GRIK4: variants seen among roughly 807,000 people sequenced by gnomAD.
GRIK4 encodes the protein glutamate ionotropic receptor kainate type subunit 4, also known as glutamate receptor ionotropic, kainate 4.
In GRIK4, 40 loss-of-function variants were observed where a neutral mutation model predicts 104.9. The ratio of observed to expected loss-of-function variants is 0.38; its 90% CI spans 0.30 to 0.50. The LOEUF is 0.50. Ranked by LOEUF, GRIK4 falls within the 20% of genes least tolerant of loss-of-function variation. GRIK4 has a pLI of 0.93. For missense variants in GRIK4, 1,047 were observed against 1,308.1 expected (o/e 0.80, Z 3.08); for synonymous variants, 485 against 524.9 (o/e 0.92, Z 1.04).
chr11:120,749,193 C>A (rs993673393), intron 3 of GRIK4, among the ~76,000 whole-genome samples: 1 of 152,038 alleles, frequency 6.6e-6, no homozygotes, highest in African/African-American at 2.4e-5. Context: ...ACATTCCCCC[C>A]ACCCCATCCC....
In GRIK4 at chr11:120,962,545, C is replaced by T. The variant is rs373177098; in HGVS notation, c.2130C>T (p.Ile710=). The part of the protein sequence containing the change: ...SVFVKSTEEG[I]ARVLNSNYAF... ...TCGTGAAGAGCACAGAGGAGGGAATCGCCAGGGTGTTGAATTCCAACTACG... is the reference window on the plus strand; with the variant it reads ...TCGTGAAGAGCACAGAGGAGGGAATTGCCAGGGTGTTGAATTCCAACTACG... Residue 710 remains isoleucine (I), a synonymous_variant, in exon 18 of 21, where the codon ATC becomes ATT. Coordinates refer to ENST00000527524, the MANE Select transcript of GRIK4 (RefSeq NM_014619.5). 4 of 1,613,898 alleles carry T rather than the reference C, an allele frequency of 2.5e-6. No individual in the cohort carries two copies. The highest frequency in any genetic ancestry group is 1.3e-5 in the African/African-American group (1 of 75,022).
chr11:120,678,296 C>G (rs187516802), intron 3 of GRIK4, among the ~76,000 whole-genome samples: 3 of 152,326 alleles, frequency 2.0e-5, no homozygotes, highest in Admixed American at 2.0e-4. Context: ...TAAAATGGAA[C>G]CACAGGGTTA....
At position 120,518,391 on chromosome 11, in the gene GRIK4, G is replaced by A. The variant is rs1056290057; in HGVS notation, c.-159+6504G>A. On this transcript the variant is annotated intron_variant, in intron 1 of 20. Coordinates refer to ENST00000527524, the MANE Select transcript of GRIK4 (RefSeq NM_014619.5). ...CCCAGTCCGGTTCCTAAGACTCTAC[G>A]GAATAGTGTCTCTAGCAAGGCTGGT... Among the ~76,000 whole-genome samples, 8 of 152,164 alleles carry A rather than the reference G, an allele frequency of 5.3e-5. No individual in the cohort carries two copies. The East Asian group carries it at 1.2e-3, about 22-fold the overall frequency.
intron 1 of GRIK4, among the ~76,000 whole-genome samples, chr11:120,530,919 G>A (rs1947917107): frequency 6.6e-6 from 1 of 152,166 alleles, no homozygotes. Context: ...TCATCGGCTG[G>A]AGAAAATGCC....
At chr11:120,915,053 T>G (rs1395879100) in intron 13 of GRIK4, among the ~76,000 whole-genome samples, 1 of 152,146 alleles carries the variant, frequency 6.6e-6, no homozygotes, top group Non-Finnish European at 1.5e-5. Flanking sequence ...AAGGTCGTCC[T>G]GCTTCTCAGG....
At chr11:120,848,458 C>T (rs1409456994) in intron 8 of GRIK4, among the ~76,000 whole-genome samples, 1 of 152,132 alleles carries the variant, frequency 6.6e-6, no homozygotes, top group East Asian at 1.9e-4. Context: ...TTCACCCATT[C>T]CTGTTGGGCT....
Position 120,742,050 on chromosome 11 carries a change from AAAAC to A in GRIK4, c.83-60640_83-60637del, listed in dbSNP as rs548358429. 3.8e-4 allele frequency among the ~76,000 whole-genome samples: 58 copies of A among 152,294 alleles called. 2 individuals are homozygous for A. In the East Asian group the frequency reaches 0.011, roughly 28 times the overall value. On this transcript the variant is annotated intron_variant, in intron 3 of 20. Transcript: ENST00000527524. ...AAGGTTTGGTCAAATTTACAAAAGA[AAAAC>A]AACCCCATAGTCCGGGCATGGTGGC...
intron 3 of GRIK4, among the ~76,000 whole-genome samples, chr11:120,667,911 G>A (rs1289915318): frequency 6.6e-6 from 1 of 152,198 alleles, no homozygotes; most frequent in Non-Finnish European, 1.5e-5. Context: ...CTGGAATTGA[G>A]ACTCTATCTA....
chr11:120,564,399 CAG>C, intron 1 of GRIK4: 1 of 152,366 alleles, frequency 6.6e-6, no homozygotes, highest in Middle Eastern at 3.4e-3. Flanking sequence ...GCATGCTAAT[CAG>C]GGGGCGCCCG....
At chr11:120,642,973 A>G (rs1404679876) in intron 1 of GRIK4, among the ~76,000 whole-genome samples, 1 of 152,126 alleles carries the variant, frequency 6.6e-6, no homozygotes, top group Non-Finnish European at 1.5e-5. Context: ...CCCAGCCTCC[A>G]CTTGCACTGG....
chr11:120,680,173 G>A (rs1436735743), intron 3 of GRIK4, among the ~76,000 whole-genome samples: 1 of 152,146 alleles, frequency 6.6e-6, no homozygotes, highest in Non-Finnish European at 1.5e-5. Flanking sequence ...CACCTCCCAG[G>A]CTCAAGTGAT....
At position 120,963,766 on chromosome 11, in the gene GRIK4, C is replaced by G. The variant is rs12222082; in HGVS notation, c.2266+1085C>G. 3.7e-3 allele frequency among the ~76,000 whole-genome samples: 558 copies of G among 152,228 alleles called. 24 individuals are homozygous for G. The East Asian group carries it at 0.081, about 22-fold the overall frequency. ...AGTCAGGCAGACCCCGGGATGTGTT[C>G]TGGTCACTGGCTGTGGTACCTTAGA... is the stretch of plus-strand genomic sequence containing the variant. On this transcript the variant is annotated intron_variant, in intron 18 of 20. Coordinates refer to ENST00000527524, the MANE Select transcript of GRIK4 (RefSeq NM_014619.5).
At chr11:120,932,194 C>T (rs1943497390) in intron 13 of GRIK4, among the ~76,000 whole-genome samples, 5 of 136,866 alleles carry the variant, frequency 3.7e-5, no homozygotes, top group East Asian at 2.1e-4. Context: ...GATACTTGTT[C>T]GCCTCCTCTA....
intron 2 of GRIK4, among the ~76,000 whole-genome samples, chr11:120,656,765 A>C (rs1320384308): frequency 1.3e-5 from 2 of 152,138 alleles, no homozygotes; most frequent in Non-Finnish European, 2.9e-5. Flanking sequence ...GAGGCAGGAG[A>C]ATTGTTTGAA....
chr11:120,841,022 C>T (rs1031006652), intron 8 of GRIK4, among the ~76,000 whole-genome samples: 8 of 152,150 alleles, frequency 5.3e-5, no homozygotes, highest in South Asian at 4.2e-4. Context: ...TTTCACTCAG[C>T]ATAATGTTTT....
intron 8 of GRIK4, among the ~76,000 whole-genome samples, chr11:120,860,644 C>T (rs1460741084): frequency 6.6e-6 from 1 of 152,196 alleles, no homozygotes; most frequent in East Asian, 1.9e-4. Flanking sequence ...CTGCAAGCTT[C>T]CTGAGGGCAA....
At chr11:120,706,527 G>A (rs950600511) in intron 3 of GRIK4, among the ~76,000 whole-genome samples, 2 of 152,188 alleles carry the variant, frequency 1.3e-5, no homozygotes, top group Non-Finnish European at 2.9e-5. Context: ...GTCATGTAGA[G>A]AATGGGATGG....
chr11:120,603,495 AT>A (rs1456516143), intron 1 of GRIK4, among the ~76,000 whole-genome samples: 14 of 152,212 alleles, frequency 9.2e-5, no homozygotes, highest in South Asian at 2.1e-4. Context: ...GCCTGTGGGC[AT>A]TTTCTTTCAG....
chr11:120,933,226 C>T (rs894892459), intron 13 of GRIK4, among the ~76,000 whole-genome samples: 3 of 152,212 alleles, frequency 2.0e-5, no homozygotes, highest in South Asian at 4.1e-4. Flanking sequence ...GAGTGGGGGA[C>T]GCGGTGACCA....
Sources: gnomAD v4.1 joint callset for allele counts (sites outside exome capture counted in the v4.1 genomes callset) on GRCh38, gnomAD v4.1.1 for gene constraint, MANE v1.5 for transcripts, NCBI Gene and HGNC (gene_info 2026-07-23, HGNC 2026-07-21) for gene names.